RPGRIP1: variants seen among roughly 807,000 people sequenced by gnomAD.
RPGRIP1 encodes RPGR interacting protein 1.
A neutral mutation model predicts 157.9 loss-of-function variants in RPGRIP1; 128 were observed. That is an observed-to-expected ratio of 0.81 (90% CI 0.70 to 0.94). The LOEUF (loss-of-function observed/expected upper bound fraction) is 0.94. RPGRIP1 is among the 40% of genes least tolerant of loss of function. The pLI is 0.00. For missense variants in RPGRIP1, 1,486 were observed against 1,545.8 expected (o/e 0.96, Z 0.65); for synonymous variants, 554 against 571.6 (o/e 0.97, Z 0.44).
Position 21,287,922 on chromosome 14 carries a change from C to G in RPGRIP1, c.-38-17C>G, listed in dbSNP as rs1880356251. ...CTAAAGTTGCATGTAACTGACTGGA[C>G]TTTTCCTTTATTTCAGTGTCCTCTG... On this transcript the variant is annotated splice_polypyrimidine_tract_variant and intron_variant, in intron 1 of 24. Transcript: ENST00000400017. The G allele has an allele frequency of 8.8e-6, 11 of 1,250,726 alleles. No individual in the cohort carries two copies. The South Asian group carries it at 1.4e-4, about 16-fold the overall frequency. 77.5% of individuals were successfully genotyped at this position (1,250,726 alleles called of 1,614,324 possible).
Position 21,351,170 on chromosome 14 carries a change from T to C in RPGRIP1, c.3815T>C (p.Val1272Ala), listed in dbSNP as rs750187066. Reference protein sequence around the residue: ...RLKVSLQAAAVLHAIYKEMTE... With the variant: ...RLKVSLQAAAALHAIYKEMTE... ...AAGGTTTCCCTTCAAGCAGCTGCTG[T>C]CCTCCATGCTATTTACAAGGAGATG... The change falls in exon 25 of 25, where the codon GTC becomes GCC. Residue 1272 changes from valine to alanine, a missense_variant. By Grantham distance (64) the Val-to-Ala change is moderately conservative. Coordinates refer to ENST00000400017, the MANE Select transcript of RPGRIP1 (RefSeq NM_020366.4). 3 of 1,612,522 alleles carry C rather than the reference T, an allele frequency of 1.9e-6. No individual in the cohort carries two copies. The Admixed American group carries it at 5.0e-5, about 27-fold the overall frequency.
At chr14:21,284,085 A>T (rs1880222611) in intron 1 of RPGRIP1, among the ~76,000 whole-genome samples, 1 of 152,242 alleles carries the variant, frequency 6.6e-6, no homozygotes, top group Non-Finnish European at 1.5e-5. Flanking sequence ...TGTGATTTTT[A>T]AAAATGAAAT....
At chr14:21,310,679 C>G in intron 8 of RPGRIP1, 72 bp downstream of exon 8, 1 of 823,186 alleles carries the variant, frequency 1.2e-6, no homozygotes, top group Non-Finnish European at 2.0e-6. Context: ...CTATGTTCAT[C>G]TCCAAGTAAC....
chr14:21,297,385 G>C (rs149355202), intron 3 of RPGRIP1, among the ~76,000 whole-genome samples: 1 of 152,106 alleles, frequency 6.6e-6, no homozygotes, highest in Admixed American at 6.6e-5. Flanking sequence ...GTGAGCCACC[G>C]CGCCTGTCCC....
intron 11 of RPGRIP1, chr14:21,318,300 T>C (rs1881998685): frequency 3.0e-6 from 1 of 330,900 alleles, no homozygotes; most frequent in African/African-American, 2.3e-5. Context: ...TTAGTAGAGA[T>C]GGGGTTTTAC....
At chr14:21,319,432 T>C (rs138794877) in intron 11 of RPGRIP1, among the ~76,000 whole-genome samples, 19 of 152,204 alleles carry the variant, frequency 1.2e-4, no homozygotes, top group African/African-American at 4.3e-4. Flanking sequence ...CGTAGTGTCG[T>C]GCGCCTGTAA....
At chr14:21,346,832 G>A (rs1024821744) in intron 23 of RPGRIP1, among the ~76,000 whole-genome samples, 9 of 152,132 alleles carry the variant, frequency 5.9e-5, no homozygotes, top group African/African-American at 2.2e-4. Context: ...CACTGTGCCC[G>A]ACCTGGTGTT....
rs762187880 is a variant in RPGRIP1, at chr14:21,294,719, G to C, written c.128G>C (p.Arg43Pro). 1.9e-6 allele frequency: 3 copies of C among 1,613,448 alleles called. No individual in the cohort carries two copies. Among genetic ancestry groups the C allele is most frequent in the Non-Finnish European group, 1.7e-6 (2 of 1,179,612 alleles). Residue 43 changes from arginine to proline, a missense_variant, in exon 3 of 25, where the codon CGG becomes CCG. Transcript: ENST00000400017. Reference protein sequence around the residue: ...KTQPPLSRMNREELEDSFFRL... With the variant: ...KTQPPLSRMNPEELEDSFFRL... ...CAACCACCCTTGAGCAGGATGAACC[G>C]GGAGGAATTGGAGGACAGTTTCTTT...
intron 1 of RPGRIP1, among the ~76,000 whole-genome samples, chr14:21,282,719 C>A (rs1295206620): frequency 6.7e-6 from 1 of 150,368 alleles, no homozygotes; most frequent in Non-Finnish European, 1.5e-5. Flanking sequence ...ACGCCATTCT[C>A]CTGCCTCAGC....
intron 3 of RPGRIP1, among the ~76,000 whole-genome samples, chr14:21,297,348 G>T (rs987621474): frequency 6.6e-6 from 1 of 152,126 alleles, no homozygotes; most frequent in Non-Finnish European, 1.5e-5. Flanking sequence ...GCCTGCCTCG[G>T]CCTCCCAAAG....
chr14:21,323,228 C>T (rs558545094), intron 14 of RPGRIP1, among the ~76,000 whole-genome samples: 2 of 152,136 alleles, frequency 1.3e-5, no homozygotes, highest in East Asian at 3.9e-4. Flanking sequence ...TCGAGACCAG[C>T]CTGACCAACA....
chr14:21,322,020 T>C lies in RPGRIP1; in HGVS notation c.1762+16T>C. On this transcript the variant is annotated intron_variant, in intron 14 of 24. Coordinates refer to ENST00000400017, the MANE Select transcript of RPGRIP1 (RefSeq NM_020366.4). Reference sequence around the variant, plus strand: ...CCAACATCTGGCAAGTCTTAGTCCTTTGTTCTCCTCACTTCGGGACCCTTC... The same window carrying C: ...CCAACATCTGGCAAGTCTTAGTCCTCTGTTCTCCTCACTTCGGGACCCTTC... The C allele has an allele frequency of 7.5e-6, 12 of 1,606,796 alleles. No homozygotes were observed. The highest frequency in any genetic ancestry group is 9.3e-6 in the Non-Finnish European group (11 of 1,176,890).
chr14:21,287,110 G>A (rs1001159947), intron 1 of RPGRIP1, among the ~76,000 whole-genome samples: 10 of 151,806 alleles, frequency 6.6e-5, no homozygotes, highest in African/African-American at 1.9e-4. Flanking sequence ...GAAAAAAAGA[G>A]AAAGAGGCCA....
At chr14:21,318,784 G>A (rs1882076216) in intron 11 of RPGRIP1, among the ~76,000 whole-genome samples, 1 of 151,868 alleles carries the variant, frequency 6.6e-6, no homozygotes, top group Admixed American at 6.6e-5. Context: ...TGAAAGTATT[G>A]AAAGTGAATT....
chr14:21,297,467 G>A (rs947670109), intron 3 of RPGRIP1, among the ~76,000 whole-genome samples: 3 of 152,110 alleles, frequency 2.0e-5, no homozygotes, highest in Non-Finnish European at 4.4e-5. Context: ...TTTAGAAAAT[G>A]GGGACCTGGA....
chr14:21,346,180 GT>G (rs1306431089), intron 23 of RPGRIP1, among the ~76,000 whole-genome samples: 3 of 152,102 alleles, frequency 2.0e-5, no homozygotes, highest in African/African-American at 7.2e-5. Flanking sequence ...AGGAAAGCTG[GT>G]TGTCCTTATT....
intron 6 of RPGRIP1, among the ~76,000 whole-genome samples, chr14:21,306,424 C>T (rs1279694308): frequency 2.0e-5 from 3 of 151,016 alleles, no homozygotes; most frequent in Admixed American, 6.6e-5. Context: ...TGAGCCCCTG[C>T]GCCCAGCCTA....
intron 8 of RPGRIP1, chr14:21,311,003 G>T: frequency 2.0e-6 from 1 of 489,878 alleles, no homozygotes. Context: ...CTGTGAGTGG[G>T]CTGCATGTGA....
intron 6 of RPGRIP1, among the ~76,000 whole-genome samples, chr14:21,303,988 C>CAA (rs111950080): frequency 9.3e-5 from 12 of 129,440 alleles, no homozygotes; most frequent in African/African-American, 3.1e-4. Context: ...AACTTGGTCT[C>CAA]AAAAAAAAAA....
Sources: allele counts gnomAD v4.1 joint callset (sites outside exome capture counted in the v4.1 genomes callset), GRCh38; gene constraint gnomAD v4.1.1; transcripts MANE v1.5; gene names NCBI Gene and HGNC (gene_info 2026-07-23, HGNC 2026-07-21).